Variants in POLH observed in about 807,000 individuals in gnomAD.
POLH encodes the protein DNA polymerase eta transcript.
POLH carries 53 observed loss-of-function variants against 73.6 expected under a neutral mutation model. The ratio of observed to expected loss-of-function variants is 0.72; its 90% CI spans 0.58 to 0.91. The LOEUF (loss-of-function observed/expected upper bound fraction) is 0.91, where lower values mean the gene tolerates loss of function less well. POLH is among the 40% of genes least tolerant of loss of function. The pLI, the probability that POLH is intolerant of heterozygous loss-of-function variation, is 0.00. For synonymous variants in POLH, 292 were observed against 308.5 expected, an observed-to-expected ratio of 0.95 and a Z score of 0.56; for missense variants, 768 against 865.4, an observed-to-expected ratio of 0.89 and a Z score of 1.41.
At chr6:43,601,744 T>C (rs111883362) in intron 6 of POLH, among the ~76,000 whole-genome samples, 5,000 of 152,018 alleles carry the variant, frequency 0.033, 267 homozygotes, top group African/African-American at 0.11. Context: ...AGCAACATAG[T>C]GAGACCCCAT....
intron 9 of POLH, among the ~76,000 whole-genome samples, chr6:43,608,616 C>A (rs529683704): frequency 6.6e-6 from 1 of 152,252 alleles, no homozygotes; most frequent in East Asian, 1.9e-4. Flanking sequence ...GTAGCCTCAA[C>A]CTCCTGGGCT....
In POLH at chr6:43,620,176, C is replaced by T. The variant is rs1412874884; in HGVS notation, c.*5619C>T. On this transcript the variant is annotated 3_prime_UTR_variant, in exon 11 of 11. Coordinates refer to ENST00000372236, the MANE Select transcript of POLH (RefSeq NM_006502.3). The stretch of plus-strand genomic sequence containing the variant: ...AGCTGGCACTGTATCTCTGCCAGGG[C>T]ACAGAAGTGGGCTCCTTACTATTCT... The T allele has an allele frequency of 1.3e-5, 6 of 479,684 alleles. No individual in the cohort carries two copies. The highest frequency in any genetic ancestry group is 2.4e-5 in the Non-Finnish European group (6 of 248,660). The allele number at this position is 479,684 out of a possible 1,614,324, so 29.7% of individuals were successfully genotyped here.
intron 6 of POLH, among the ~76,000 whole-genome samples, chr6:43,603,362 C>T (rs1485096279): frequency 1.3e-5 from 2 of 152,028 alleles, no homozygotes; most frequent in African/African-American, 4.8e-5. Flanking sequence ...AACTCCTGGG[C>T]TCAGGTGATC....
Position 43,613,747 on chromosome 6 carries a change from G to A in POLH, c.1332G>A (p.Leu444=), listed in dbSNP as rs773717970. 5.6e-6 allele frequency: 9 copies of A among 1,613,556 alleles called. No individual in the cohort carries two copies. The Admixed American group carries it at 1.3e-4, about 24-fold the overall frequency. ...CTTCTACAGACATCACCAGCTTCTT[G>A]AGCAGTGACCCAAGTTCTCTGCCAA... The part of the protein sequence containing the change: ...PSSSTDITSF[L]SSDPSSLPKV... Residue 444 remains leucine (L), a synonymous_variant, in exon 11 of 11, where the codon TTG becomes TTA. Transcript: ENST00000372236.
At chr6:43,593,570 T>TG (rs922598173) in intron 4 of POLH, among the ~76,000 whole-genome samples, 2 of 152,078 alleles carry the variant, frequency 1.3e-5, no homozygotes, top group Non-Finnish European at 2.9e-5. Flanking sequence ...TCCACAAAGG[T>TG]GCCAAGATAA....
chr6:43,607,845 T>C (rs1316755675), intron 9 of POLH, among the ~76,000 whole-genome samples: 1 of 152,224 alleles, frequency 6.6e-6, no homozygotes, highest in Admixed American at 6.5e-5. Flanking sequence ...GGGAAATGTT[T>C]GTTGAAATCC....
chr6:43,590,370 A>C (rs1313110961), intron 4 of POLH, among the ~76,000 whole-genome samples: 1 of 151,338 alleles, frequency 6.6e-6, no homozygotes, highest in South Asian at 2.1e-4. Flanking sequence ...AAAAAAAAAA[A>C]CAAAAAACTT....
chr6:43,607,187 CCAGTT>C (rs1767399696), intron 9 of POLH, among the ~76,000 whole-genome samples: 2 of 152,316 alleles, frequency 1.3e-5, no homozygotes, highest in South Asian at 2.1e-4. Context: ...ATCCGCCTCT[CCAGTT>C]CAAGTGATTC....
Position 43,613,963 on chromosome 6 carries a change from C to T in POLH, c.1548C>T (p.Pro516=). The T allele has an allele frequency of 6.2e-7, 1 of 1,614,082 alleles. No homozygotes were observed. ...QAPMSNSPSK[P]SLPFQTSQST... is the part of the protein sequence containing the mutation. Reference sequence around the variant, plus strand: ...CCATGAGCAATTCACCATCCAAGCCCTCATTACCTTTTCAAACCAGTCAAA... The same window carrying T: ...CCATGAGCAATTCACCATCCAAGCCTTCATTACCTTTTCAAACCAGTCAAA... Residue 516 remains proline, a synonymous_variant, in exon 11 of 11, where the codon CCC becomes CCT. Coordinates refer to ENST00000372236, the MANE Select transcript of POLH (RefSeq NM_006502.3).
At chr6:43,598,496 A>G (rs1197747608) in intron 5 of POLH, among the ~76,000 whole-genome samples, 1 of 151,796 alleles carries the variant, frequency 6.6e-6, no homozygotes, top group African/African-American at 2.4e-5. Flanking sequence ...TTAGCCAGAC[A>G]TGGTGGCGTG....
intron 10 of POLH, 124 bp downstream of exon 10, chr6:43,610,847 G>C (rs902759071): frequency 5.1e-6 from 4 of 784,894 alleles, no homozygotes; most frequent in Admixed American, 2.0e-5. Context: ...ATTTTCACAT[G>C]AGCTGAATTT....
In POLH at chr6:43,582,302, A is replaced by G. The variant is rs372271466; in HGVS notation, c.-4-14A>G. The G allele has an allele frequency of 1.2e-6, 2 of 1,613,432 alleles. No individual in the cohort carries two copies. The highest frequency in any genetic ancestry group is 1.7e-6 in the Non-Finnish European group (2 of 1,179,326). On this transcript the variant is annotated splice_polypyrimidine_tract_variant and intron_variant, in intron 1 of 10. Coordinates refer to ENST00000372236, the MANE Select transcript of POLH (RefSeq NM_006502.3). ...AGGTGTTTTTCTAACTGTCCATAAA[A>G]TGTTGTGTTACAGAAAAATGGCTAC...
chr6:43,586,152 C>T (rs1326319615), intron 3 of POLH, among the ~76,000 whole-genome samples: 1 of 152,108 alleles, frequency 6.6e-6, no homozygotes, highest in Non-Finnish European at 1.5e-5. Context: ...GAACTGGACA[C>T]TACAAAGCAG....
chr6:43,613,753 T>G lies in POLH; in HGVS notation c.1338T>G (p.Ser446Arg). Residue 446 changes from serine to arginine, a missense_variant, in exon 11 of 11, where the codon AGT (serine) becomes AGG (arginine). Transcript: ENST00000372236. ...SSTDITSFLS[S>R]DPSSLPKVPV... is the part of the protein sequence containing the mutation. ...CAGACATCACCAGCTTCTTGAGCAGTGACCCAAGTTCTCTGCCAAAGGTGC... is the reference window on the plus strand; with the variant it reads ...CAGACATCACCAGCTTCTTGAGCAGGGACCCAAGTTCTCTGCCAAAGGTGC... The G allele has an allele frequency of 6.2e-7, 1 of 1,613,704 alleles. No homozygotes were observed. The highest frequency in any genetic ancestry group is 1.1e-5 in the South Asian group (1 of 91,014).
intron 6 of POLH, among the ~76,000 whole-genome samples, chr6:43,601,836 T>TC (rs1245965075): frequency 1.3e-5 from 2 of 152,094 alleles, no homozygotes; most frequent in Admixed American, 1.3e-4. Flanking sequence ...GGCAGGTGGA[T>TC]CACCTGAAGT....
chr6:43,611,857 A>G (rs1036384399), intron 10 of POLH, among the ~76,000 whole-genome samples: 3 of 152,048 alleles, frequency 2.0e-5, no homozygotes, highest in African/African-American at 7.2e-5. Context: ...GGAGTTCAAG[A>G]GCACCCCAGC....
At chr6:43,577,374 G>GT (rs1391707619) in intron 1 of POLH, among the ~76,000 whole-genome samples, 1 of 152,092 alleles carries the variant, frequency 6.6e-6, no homozygotes, top group African/African-American at 2.4e-5. Context: ...CTTAGCCTGT[G>GT]TTTTTTTGTG....
intron 9 of POLH, among the ~76,000 whole-genome samples, chr6:43,609,666 C>T (rs1488931230): frequency 6.6e-6 from 1 of 152,172 alleles, no homozygotes; most frequent in African/African-American, 2.4e-5. Flanking sequence ...TTGGTAGAAA[C>T]TTCTGGAATT....
chr6:43,608,736 A>C (rs967282101), intron 9 of POLH, among the ~76,000 whole-genome samples: 1 of 152,198 alleles, frequency 6.6e-6, no homozygotes, highest in Non-Finnish European at 1.5e-5. Flanking sequence ...CTGAAAATCT[A>C]TCTTTTAAGC....
Sources: gnomAD v4.1 joint callset for allele counts (sites outside exome capture counted in the v4.1 genomes callset) on GRCh38, gnomAD v4.1.1 for gene constraint, MANE v1.5 for transcripts, NCBI Gene and HGNC (gene_info 2026-07-23, HGNC 2026-07-21) for gene names.